Variants in CFAP96 observed in about 807,000 individuals in gnomAD.
CFAP96 encodes cilia and flagella associated protein 96.
the CFAP96 span, among the ~76,000 whole-genome samples, chr4:185,413,094 C>G: frequency 6.6e-6 from 1 of 152,192 alleles, no homozygotes; most frequent in South Asian, 2.1e-4. Context: ...CACTTGAGGT[C>G]AGGAGTTCAC....
chr4:185,425,544 G>C, the CFAP96 span, among the ~76,000 whole-genome samples: 1 of 152,232 alleles, frequency 6.6e-6, no homozygotes, highest in Non-Finnish European at 1.5e-5. Context: ...AATATCCGAA[G>C]AAAGTTGCGC....
At chr4:185,444,577 TTTAGTAAACTC>T in the CFAP96 span, among the ~76,000 whole-genome samples, 63 of 6,174 alleles carry the variant, frequency 0.01, no homozygotes, top group Non-Finnish European at 0.039. Flanking sequence ...TTGACTGGCA[TTTAGTAAACTC>T]ATGTTGTGCC....
At chr4:185,446,219 C>A in the CFAP96 span, among the ~76,000 whole-genome samples, 1,110 of 152,246 alleles carry the variant, frequency 7.3e-3, 9 homozygotes, top group Non-Finnish European at 0.012. Flanking sequence ...CAGCTAAAGA[C>A]AAATTACTTA....
chr4:185,413,134 G>C, the CFAP96 span, among the ~76,000 whole-genome samples: 2 of 152,108 alleles, frequency 1.3e-5, no homozygotes, highest in African/African-American at 2.4e-5. Context: ...GTGAAATCCT[G>C]TCTCTACTAA....
At chr4:185,446,205 T>C in the CFAP96 span, among the ~76,000 whole-genome samples, 2 of 152,242 alleles carry the variant, frequency 1.3e-5, no homozygotes, top group South Asian at 4.1e-4. Context: ...TCAGCAGAAC[T>C]AATCAGCTAA....
chr4:185,416,720 G>A, the CFAP96 span, among the ~76,000 whole-genome samples: 38 of 152,318 alleles, frequency 2.5e-4, no homozygotes, highest in Admixed American at 1.5e-3. Context: ...TGATGGGTAG[G>A]AAGTGCCCAA....
the CFAP96 span, chr4:185,418,769 T>G: frequency 1.3e-6 from 2 of 1,585,270 alleles, no homozygotes; most frequent in Non-Finnish European, 1.7e-6. Context: ...TGAGAAAAAT[T>G]TCTAAATTAA....
At chr4:185,421,386 G>T in the CFAP96 span, among the ~76,000 whole-genome samples, 1 of 152,210 alleles carries the variant, frequency 6.6e-6, no homozygotes, top group East Asian at 1.9e-4. Flanking sequence ...AATGTTTGAA[G>T]TGGGGCCTGG....
the CFAP96 span, chr4:185,415,737 G>T: frequency 1.9e-6 from 3 of 1,612,374 alleles, no homozygotes; most frequent in Non-Finnish European, 2.5e-6. Flanking sequence ...TGGAGCAACA[G>T]ATATAACTGC....
the CFAP96 span, among the ~76,000 whole-genome samples, chr4:185,443,338 A>ATT: frequency 5.0e-4 from 16 of 32,104 alleles, no homozygotes; most frequent in African/African-American, 1.1e-3. Context: ...ATATATATAT[A>ATT]TATATTTTTT....
the CFAP96 span, among the ~76,000 whole-genome samples, chr4:185,420,833 G>A: frequency 6.6e-6 from 1 of 152,188 alleles, no homozygotes; most frequent in African/African-American, 2.4e-5. Context: ...ATACAATCAA[G>A]TCAGAAGACA....
At chr4:185,413,760 G>A in the CFAP96 span, 1 of 1,613,330 alleles carries the variant, frequency 6.2e-7, no homozygotes, top group Admixed American at 1.7e-5. Context: ...ATTAAGGTAA[G>A]TATGTGGATT....
the CFAP96 span, chr4:185,426,007 A>G: frequency 9.9e-7 from 1 of 1,008,700 alleles, no homozygotes; most frequent in Admixed American, 2.2e-5. Context: ...CGGCGGCATG[A>G]CGTCACGGAG....
the CFAP96 span, among the ~76,000 whole-genome samples, chr4:185,417,327 C>G: frequency 4.2e-3 from 647 of 152,298 alleles, 5 homozygotes; most frequent in African/African-American, 0.015. Flanking sequence ...TTGTATCCAG[C>G]CCACAATTAT....
chr4:185,431,861 T>G, the CFAP96 span: 1 of 770,324 alleles, frequency 1.3e-6, no homozygotes, highest in Non-Finnish European at 2.1e-6. Flanking sequence ...TTTGAAACAG[T>G]GCTTTAGAGC....
chr4:185,428,599 T>C, the CFAP96 span, among the ~76,000 whole-genome samples: 2 of 150,812 alleles, frequency 1.3e-5, no homozygotes, highest in Non-Finnish European at 3.0e-5. Context: ...AAAAAGAGAC[T>C]CTGTCTTAAA....
the CFAP96 span, among the ~76,000 whole-genome samples, chr4:185,410,271 G>T: frequency 6.6e-6 from 1 of 152,228 alleles, no homozygotes; most frequent in East Asian, 1.9e-4. Flanking sequence ...ACTTAGAAGT[G>T]AACAAAACTA....
At chr4:185,418,874 A>T in the CFAP96 span, 1 of 832,200 alleles carries the variant, frequency 1.2e-6, no homozygotes, top group East Asian at 2.9e-5. Context: ...CTCAATACCT[A>T]TTCCCCATAT....
At chr4:185,410,630 C>T in the CFAP96 span, among the ~76,000 whole-genome samples, 7 of 135,948 alleles carry the variant, frequency 5.1e-5, no homozygotes, top group Non-Finnish European at 1.1e-4. Context: ...CCTGGGCAAC[C>T]GAGCAAGACT....
Sources: gnomAD v4.1 joint callset for allele counts (sites outside exome capture counted in the v4.1 genomes callset) on GRCh38, gnomAD v4.1.1 for gene constraint, MANE v1.5 for transcripts, NCBI Gene and HGNC (gene_info 2026-07-23, HGNC 2026-07-21) for gene names.